Variants in EEFSEC observed in about 807,000 individuals in gnomAD.
EEFSEC encodes the protein eukaryotic elongation factor, selenocysteine-tRNA specific, also known as selenocysteine-specific elongation factor.
Under a neutral mutation model 42.1 loss-of-function variants are expected in EEFSEC, and 43 were observed. That is an observed-to-expected ratio of 1.02 (90% CI 0.80 to 1.32). The LOEUF (loss-of-function observed/expected upper bound fraction) is 1.32. Among genes scored for constraint, EEFSEC ranks in the 40% most tolerant of loss-of-function variants. EEFSEC has a pLI of 0.00. For synonymous variants in EEFSEC, 354 were observed against 339.1 expected (o/e 1.04, Z -0.48); for missense variants, 745 against 803.6 (o/e 0.93, Z 0.88).
chr3:128,425,117 G>T, the EEFSEC span, among the ~76,000 whole-genome samples: 1 of 152,224 alleles, frequency 6.6e-6, no homozygotes, highest in African/African-American at 2.4e-5. Flanking sequence ...ATTCAGTTGT[G>T]TAACCCCTAC....
At position 128,339,852 on chromosome 3, in the gene EEFSEC, G is replaced by A. The variant is rs556010008; in HGVS notation, c.787-1381G>A. Among the ~76,000 whole-genome samples, 9 of 152,304 alleles carry A rather than the reference G, an allele frequency of 5.9e-5. No individual in the cohort carries two copies. In the South Asian group the frequency reaches 1.7e-3, roughly 28 times the overall value. The stretch of plus-strand genomic sequence containing the variant: ...AATCATGGTGGAAGGCGAAAGGCAC[G>A]TCTTACATGGCACCAGGCAAGAGAG... On this transcript the variant is annotated intron_variant, in intron 4 of 6. Transcript: ENST00000254730.
At chr3:128,241,457 C>T (rs1195704480) in intron 1 of EEFSEC, among the ~76,000 whole-genome samples, 2 of 152,084 alleles carry the variant, frequency 1.3e-5, no homozygotes, top group Non-Finnish European at 2.9e-5. Flanking sequence ...GTGATTCACA[C>T]ACCTCAGCCT....
At position 128,336,678 on chromosome 3, in the gene EEFSEC, C is replaced by T. The variant is rs184192309; in HGVS notation, c.787-4555C>T. Among the ~76,000 whole-genome samples the T allele has an allele frequency of 2.6e-5, 4 of 152,328 alleles. No individual in the cohort carries two copies. The East Asian group carries it at 5.8e-4, about 22-fold the overall frequency. On this transcript the variant is annotated intron_variant, in intron 4 of 6. Coordinates refer to ENST00000254730, the MANE Select transcript of EEFSEC (RefSeq NM_021937.5). ...CGATCTGGTCTTGGCTCCAATGCCA[C>T]CTCCTCAGGGAAGTCCTCCCTGACT...
At chr3:128,386,889 C>T (rs918214508) in intron 6 of EEFSEC, among the ~76,000 whole-genome samples, 1 of 152,224 alleles carries the variant, frequency 6.6e-6, no homozygotes, top group African/African-American at 2.4e-5. Context: ...TAACACCTCC[C>T]CCGAGGCCCA....
chr3:128,253,537 G>A lies in EEFSEC; in HGVS notation c.524+6494G>A, dbSNP rs142145701. The stretch of plus-strand genomic sequence containing the variant: ...CTTGGTGCCTGGTACAGAGCAGGTC[G>A]CAGAGAAGTCTGAGTTCTTTTCCTG... On this transcript the variant is annotated intron_variant, in intron 2 of 6. Transcript: ENST00000254730. 2.7e-3 allele frequency among the ~76,000 whole-genome samples: 407 copies of A among 152,266 alleles called. 1 individual carries two copies. Among genetic ancestry groups the A allele is most frequent in the African/African-American group, 9.0e-3 (372 of 41,562 alleles).
At chr3:128,205,938 G>C (rs545266051) in intron 1 of EEFSEC, among the ~76,000 whole-genome samples, 3 of 152,082 alleles carry the variant, frequency 2.0e-5, no homozygotes, top group Non-Finnish European at 4.4e-5. Context: ...TTGGGAGTGG[G>C]GTGTGCCAAG....
chr3:128,299,863 G>A (rs2066748002), intron 4 of EEFSEC, among the ~76,000 whole-genome samples: 1 of 152,182 alleles, frequency 6.6e-6, no homozygotes, highest in Non-Finnish European at 1.5e-5. Context: ...ATCAGAAAAG[G>A]CAAAAATGTC....
chr3:128,370,685 C>A (rs963273725), intron 6 of EEFSEC, among the ~76,000 whole-genome samples: 1 of 152,276 alleles, frequency 6.6e-6, no homozygotes, highest in Non-Finnish European at 1.5e-5. Context: ...CATTGCCCCT[C>A]TCCCTGTGAC....
At chr3:128,256,412 T>A (rs997340631) in intron 2 of EEFSEC, among the ~76,000 whole-genome samples, 2 of 152,222 alleles carry the variant, frequency 1.3e-5, no homozygotes, top group Admixed American at 1.3e-4. Context: ...AAACATAATA[T>A]TTTAACTTAA....
At chr3:128,240,811 G>A (rs1457574250) in intron 1 of EEFSEC, among the ~76,000 whole-genome samples, 4 of 152,222 alleles carry the variant, frequency 2.6e-5, no homozygotes, top group Non-Finnish European at 4.4e-5. Context: ...TCAGTCCTGG[G>A]TTCTTGCCCC....
chr3:128,414,249 G>T, the EEFSEC span, among the ~76,000 whole-genome samples: 1 of 152,166 alleles, frequency 6.6e-6, no homozygotes, highest in South Asian at 2.1e-4. Flanking sequence ...CCTACAAGTG[G>T]ACCCCGGGGC....
At chr3:128,253,815 A>T (rs753777006) in intron 2 of EEFSEC, among the ~76,000 whole-genome samples, 9 of 152,334 alleles carry the variant, frequency 5.9e-5, no homozygotes, top group Non-Finnish European at 1.3e-4. Flanking sequence ...ACTGATTGAC[A>T]GGTGGGTCTG....
rs529777911 is a variant in EEFSEC, at chr3:128,168,690, C to T, written c.316+14867C>T. 4.6e-5 allele frequency among the ~76,000 whole-genome samples: 7 copies of T among 152,348 alleles called. No homozygotes were observed. The East Asian group carries it at 1.4e-3, about 29-fold the overall frequency. ...TGTCACAGTCATAGGCCCCCTGGGG[C>T]TTCGAGGCTGTTGTCATGGGTGTGC... is the stretch of plus-strand genomic sequence containing the variant. On this transcript the variant is annotated intron_variant, in intron 1 of 6. Transcript: ENST00000254730.
intron 1 of EEFSEC, among the ~76,000 whole-genome samples, chr3:128,175,396 C>T (rs771988011): frequency 1.8e-4 from 28 of 152,188 alleles, no homozygotes; most frequent in Non-Finnish European, 3.4e-4. Context: ...GTGACACCAG[C>T]GTGCAGCAGT....
rs560628635 is a variant in EEFSEC at position 128,180,269 on chromosome 3, T to A, written c.316+26446T>A. ...TTCAATATATGGTTAACCTCTCATGTGCTCTGTGAATCTAGACACACTCCA... is the reference window on the plus strand; with the variant it reads ...TTCAATATATGGTTAACCTCTCATGAGCTCTGTGAATCTAGACACACTCCA... On this transcript the variant is annotated intron_variant, in intron 1 of 6. Transcript: ENST00000254730. Among the ~76,000 whole-genome samples the A allele has an allele frequency of 5.3e-5, 8 of 152,370 alleles. No homozygotes were observed. The South Asian group carries it at 1.7e-3, about 32-fold the overall frequency.
At chr3:128,288,716 G>A (rs530917400) in intron 4 of EEFSEC, among the ~76,000 whole-genome samples, 3 of 152,222 alleles carry the variant, frequency 2.0e-5, no homozygotes, top group Non-Finnish European at 4.4e-5. Context: ...TCTCCAGATG[G>A]AAATGTCTTG....
At chr3:128,415,709 TGGGCA>T in the EEFSEC span, among the ~76,000 whole-genome samples, 2 of 152,150 alleles carry the variant, frequency 1.3e-5, no homozygotes, top group African/African-American at 4.8e-5. Context: ...TGGCTCTTGA[TGGGCA>T]GGGTGGGAGG....
chr3:128,274,410 A>G (rs1410999601), intron 4 of EEFSEC, among the ~76,000 whole-genome samples: 2 of 152,178 alleles, frequency 1.3e-5, no homozygotes, highest in Non-Finnish European at 2.9e-5. Context: ...CACCCTCTAC[A>G]TGGAGCCCTG....
chr3:128,215,437 G>A (rs1020723761), intron 1 of EEFSEC, among the ~76,000 whole-genome samples: 10 of 152,136 alleles, frequency 6.6e-5, no homozygotes, highest in Non-Finnish European at 1.2e-4. Flanking sequence ...CTACTTCATA[G>A]GATCCTGTCT....
Sources: allele counts gnomAD v4.1 joint callset (sites outside exome capture counted in the v4.1 genomes callset), GRCh38; gene constraint gnomAD v4.1.1; transcripts MANE v1.5; gene names NCBI Gene and HGNC (gene_info 2026-07-23, HGNC 2026-07-21).